NFASC: variants seen among roughly 807,000 people sequenced by gnomAD.
The protein encoded by NFASC is neurofascin homolog.
NFASC carries 43 observed loss-of-function variants against 147.5 expected under a neutral mutation model. The ratio of observed to expected loss-of-function variants is 0.29; its 90% CI spans 0.23 to 0.38. The LOEUF (loss-of-function observed/expected upper bound fraction) is 0.38. Among genes scored for constraint, NFASC ranks in the 10% least tolerant of loss-of-function variants. NFASC has a pLI of 1.00. For missense variants in NFASC, 1,320 were observed against 1,689.0 expected (o/e 0.78, Z 3.83); for synonymous variants, 622 against 665.5 (o/e 0.93, Z 1.01).
At chr1:204,921,046 A>G (rs557979690) in intron 2 of NFASC, among the ~76,000 whole-genome samples, 29 of 152,248 alleles carry the variant, frequency 1.9e-4, no homozygotes, top group Non-Finnish European at 2.6e-4. Context: ...TTGGGAAACA[A>G]CTTTGTGACC....
chr1:204,993,090 C>T (rs1302907319), intron 24 of NFASC, among the ~76,000 whole-genome samples: 6 of 152,174 alleles, frequency 3.9e-5, no homozygotes, highest in East Asian at 3.9e-4. Context: ...TGCCAAGCAA[C>T]GAAACTCGGG....
intron 21 of NFASC, chr1:204,985,879 G>T: frequency 6.6e-7 from 1 of 1,518,692 alleles, no homozygotes; most frequent in South Asian, 1.1e-5. Flanking sequence ...CTGCCTGCCT[G>T]ACCCCTCACC....
intron 1 of NFASC, among the ~76,000 whole-genome samples, chr1:204,855,675 A>C (rs2076092773): frequency 1.3e-5 from 2 of 152,192 alleles, no homozygotes; most frequent in Non-Finnish European, 2.9e-5. Flanking sequence ...GGACCCTTAG[A>C]ACAGGGACAC....
intron 17 of NFASC, among the ~76,000 whole-genome samples, chr1:204,978,187 T>C (rs903962883): frequency 6.6e-5 from 10 of 152,350 alleles, no homozygotes; most frequent in African/African-American, 2.2e-4. Flanking sequence ...CAAGTCCTTC[T>C]AGTGACCATC....
At position 204,954,171 on chromosome 1, in the gene NFASC, C is replaced by T; in HGVS notation, c.216-17C>T. 5 of 1,613,654 alleles carry T rather than the reference C, an allele frequency of 3.1e-6. No individual in the cohort carries two copies. The highest frequency in any genetic ancestry group is 4.2e-6 in the Non-Finnish European group (5 of 1,179,634). On this transcript the variant is annotated splice_polypyrimidine_tract_variant and intron_variant, in intron 5 of 29. Transcript: ENST00000339876. The surrounding 1 kb of genome is among the most constrained non-coding windows in gnomAD (Gnocchi z 5.7). ...ACCCCATTCGTCTTGGTTGCCACTG[C>T]TCCCCACTCTCCACAGCTTCCACTG...
intron 1 of NFASC, among the ~76,000 whole-genome samples, chr1:204,878,583 T>C (rs1199203303): frequency 1.3e-5 from 2 of 152,358 alleles, no homozygotes; most frequent in South Asian, 2.1e-4. Context: ...AGTTTTGTTG[T>C]GTTTTTCAAA....
chr1:205,007,587 G>A (rs1318203570), intron 27 of NFASC, among the ~76,000 whole-genome samples: 2 of 151,910 alleles, frequency 1.3e-5, no homozygotes, highest in Non-Finnish European at 2.9e-5. Flanking sequence ...ATAAGAGATA[G>A]CAGCTGGGTG....
In NFASC at chr1:205,002,755, G is replaced by C; in HGVS notation, c.3289+7G>C. 3 of 1,460,092 alleles carry C rather than the reference G, an allele frequency of 2.1e-6. No homozygotes were observed. Among genetic ancestry groups the C allele is most frequent in the South Asian group, 2.9e-5 (2 of 70,104 alleles). The allele number at this position is 1,460,092 out of a possible 1,614,324, so 90.4% of individuals were successfully genotyped here. A position where few individuals can be genotyped will look rare whatever the true frequency, so the allele number is the denominator to read the frequency against. On this transcript the variant is annotated splice_region_variant and intron_variant, in intron 27 of 29. Coordinates refer to ENST00000339876, the MANE Select transcript of NFASC (RefSeq NM_001005388.3). ...ACCTTTATGACCAGTACAGGTGAGAGGGGACCTGGCCTGGCCATCCCCTGC... is the reference window on the plus strand; with the variant it reads ...ACCTTTATGACCAGTACAGGTGAGACGGGACCTGGCCTGGCCATCCCCTGC...
intron 8 of NFASC, among the ~76,000 whole-genome samples, chr1:204,965,901 T>C (rs2094925093): frequency 6.6e-6 from 1 of 152,126 alleles, no homozygotes; most frequent in South Asian, 2.1e-4. Context: ...CTTGGGCAAG[T>C]CTGTTGACTT....
chr1:204,876,530 C>A (rs2078824168), intron 1 of NFASC, among the ~76,000 whole-genome samples: 1 of 151,906 alleles, frequency 6.6e-6, no homozygotes, highest in African/African-American at 2.4e-5. Flanking sequence ...ATTATATAAC[C>A]ATCATCACTA....
rs1558549811 is a variant in NFASC, at chr1:204,877,049, AATATATTTATTTATATATT to A, written c.-199-43582_-199-43564del. On this transcript the variant is annotated intron_variant, in intron 1 of 29. Coordinates refer to ENST00000339876, the MANE Select transcript of NFASC (RefSeq NM_001005388.3). ...ATATAATATATATTTATATATATAT[AATATATTTATTTATATATT>A]TATATATATATAATATATTTATTTA... Among the ~76,000 whole-genome samples, 122 of 92,544 alleles carry A rather than the reference AATATATTTATTTATATATT, an allele frequency of 1.3e-3. 11 individuals are homozygous for A. The East Asian group carries it at 0.037, about 28-fold the overall frequency. The allele number at this position is 92,544 out of a possible 152,430, so 60.7% of individuals were successfully genotyped here.
At chr1:204,952,557 G>A (rs1317610654) in intron 5 of NFASC, among the ~76,000 whole-genome samples, 1 of 152,202 alleles carries the variant, frequency 6.6e-6, no homozygotes, top group Admixed American at 6.5e-5. Context: ...TCCGGGCTCT[G>A]TGTTAGGTTC....
intron 1 of NFASC, among the ~76,000 whole-genome samples, chr1:204,834,815 C>A (rs1277003755): frequency 6.6e-6 from 1 of 152,164 alleles, no homozygotes; most frequent in Non-Finnish European, 1.5e-5. Context: ...TAAAAAAGTT[C>A]TTGGCACCCA....
chr1:204,957,907 T>C, intron 8 of NFASC, 81 bp downstream of exon 8: 4 of 1,336,676 alleles, frequency 3.0e-6, no homozygotes, highest in Non-Finnish European at 4.3e-6. Flanking sequence ...TACCTGAGTC[T>C]ATAGGGGGAG....
At chr1:204,940,442 G>A (rs2093284579) in intron 2 of NFASC, among the ~76,000 whole-genome samples, 1 of 152,200 alleles carries the variant, frequency 6.6e-6, no homozygotes, top group African/African-American at 2.4e-5. Flanking sequence ...AACAGAGTGA[G>A]ATTCTGTCTC....
intron 28 of NFASC, among the ~76,000 whole-genome samples, chr1:205,012,275 AGAGAC>A (rs1387009321): frequency 6.6e-6 from 1 of 152,234 alleles, no homozygotes; most frequent in Non-Finnish European, 1.5e-5. Context: ...GTCACAGAGA[AGAGAC>A]ACTTTCCATC....
At chr1:204,958,968 C>T (rs370930418) in intron 8 of NFASC, among the ~76,000 whole-genome samples, 9 of 152,182 alleles carry the variant, frequency 5.9e-5, no homozygotes, top group African/African-American at 2.2e-4. Flanking sequence ...GGCTGGTGGT[C>T]CTGAGAGCCA....
At chr1:204,994,614 G>A (rs550814540) in intron 24 of NFASC, among the ~76,000 whole-genome samples, 12 of 152,174 alleles carry the variant, frequency 7.9e-5, no homozygotes, top group Non-Finnish European at 1.6e-4. Context: ...CCTGCACTAC[G>A]CGGTGTGATG....
chr1:204,918,584 CTT>C (rs71147720), intron 1 of NFASC, among the ~76,000 whole-genome samples: 59 of 124,752 alleles, frequency 4.7e-4, no homozygotes, highest in Admixed American at 1.6e-3. Context: ...TTCTTTGAAA[CTT>C]TTTTTTTTTT....
Sources: gnomAD v4.1 joint callset for allele counts (sites outside exome capture counted in the v4.1 genomes callset) on GRCh38, gnomAD v4.1.1 for gene constraint, Gnocchi (gnomAD v3.1) non-coding constraint, MANE v1.5 for transcripts, NCBI Gene and HGNC (gene_info 2026-07-23, HGNC 2026-07-21) for gene names.